GSE1: variants seen among roughly 807,000 people sequenced by gnomAD.
The protein encoded by GSE1 is Gse1 coiled-coil protein, also known as genetic suppressor element 1.
Under a neutral mutation model 112.6 loss-of-function variants are expected in GSE1, and 32 were observed. The observed-to-expected ratio is 0.28, with a 90% CI of 0.21 to 0.38. The LOEUF is 0.38. Among genes scored for constraint, GSE1 ranks in the 10% least tolerant of loss-of-function variants. GSE1 has a pLI of 1.00. For synonymous variants in GSE1, 1,115 were observed against 735.6 expected, an observed-to-expected ratio of 1.52 and a Z score of -8.35; for missense variants, 2,348 against 1,699.2, an observed-to-expected ratio of 1.38 and a Z score of -6.71.
chr16:85,186,176 A>T (rs1375378580), intron 1 of GSE1, among the ~76,000 whole-genome samples: 1 of 152,222 alleles, frequency 6.6e-6, no homozygotes, highest in African/African-American at 2.4e-5. Flanking sequence ...CACATACATT[A>T]ACATGTAAAA....
At chr16:85,265,427 C>T (rs1172340888) in intron 1 of GSE1, among the ~76,000 whole-genome samples, 1 of 152,190 alleles carries the variant, frequency 6.6e-6, no homozygotes, top group African/African-American at 2.4e-5. Flanking sequence ...CGCCCCAGAC[C>T]CGCGCTAATG....
chr16:85,664,846 C>A, intron 11 of GSE1, 169 bp from the exon 12 acceptor site: 1 of 603,156 alleles, frequency 1.7e-6, no homozygotes, highest in Non-Finnish European at 3.0e-6. Flanking sequence ...TCTGGGCTCG[C>A]TTTGAGATGG....
chr16:85,491,792 C>T (rs946586577), intron 2 of GSE1, among the ~76,000 whole-genome samples: 1 of 152,194 alleles, frequency 6.6e-6, no homozygotes, highest in Non-Finnish European at 1.5e-5. Flanking sequence ...GTGGGGGTGA[C>T]ACTGGGCCTG....
chr16:85,232,047 C>G (rs534379992), intron 1 of GSE1, among the ~76,000 whole-genome samples: 1 of 152,208 alleles, frequency 6.6e-6, no homozygotes, highest in African/African-American at 2.4e-5. Flanking sequence ...CAGGCTCACT[C>G]CCCCACAGTG....
chr16:85,421,502 T>C (rs1440674426), intron 2 of GSE1, among the ~76,000 whole-genome samples: 2 of 152,120 alleles, frequency 1.3e-5, no homozygotes, highest in Non-Finnish European at 2.9e-5. Flanking sequence ...CCAAGCTGGG[T>C]CTCAAACAGC....
chr16:85,549,770 G>A (rs2044838163), intron 2 of GSE1, among the ~76,000 whole-genome samples: 1 of 152,256 alleles, frequency 6.6e-6, no homozygotes, highest in South Asian at 2.1e-4. Context: ...CGGACAGAAA[G>A]AGAAAGAGGG....
In GSE1 at chr16:85,182,969, C is replaced by G. The variant is rs150906103; in HGVS notation, c.2283+11162C>G. 3.9e-3 allele frequency among the ~76,000 whole-genome samples: 595 copies of G among 152,300 alleles called. 8 individuals are homozygous for G. The highest frequency in any genetic ancestry group is 0.013 in the African/African-American group (522 of 41,554). On this transcript the variant is annotated intron_variant, in intron 1 of 2. Transcript: ENST00000637419. ...ACTTGTATGCGTACACGTTCACATG[C>G]AAACCCACCCACACACTTGTATGCA...
At chr16:85,177,522 T>G (rs1335326086) in intron 1 of GSE1, among the ~76,000 whole-genome samples, 1 of 152,190 alleles carries the variant, frequency 6.6e-6, no homozygotes, top group Non-Finnish European at 1.5e-5. Context: ...TGGGCGACCT[T>G]CATCCAGTTT....
At chr16:85,276,951 C>T (rs1021206024) in intron 1 of GSE1, among the ~76,000 whole-genome samples, 4 of 152,114 alleles carry the variant, frequency 2.6e-5, no homozygotes, top group Admixed American at 6.5e-5. Flanking sequence ...AGGAGGGGAC[C>T]GTGCAGCCGG....
At chr16:85,533,240 T>G (rs1198379509) in intron 2 of GSE1, among the ~76,000 whole-genome samples, 1 of 139,302 alleles carries the variant, frequency 7.2e-6, no homozygotes, top group African/African-American at 2.7e-5. Flanking sequence ...CGAAAACCTG[T>G]CTCTACTAAA....
intron 1 of GSE1, among the ~76,000 whole-genome samples, chr16:85,585,523 T>G (rs2046651508): frequency 6.6e-6 from 1 of 152,220 alleles, no homozygotes; most frequent in African/African-American, 2.4e-5. Flanking sequence ...GGCACGTGGT[T>G]GCCTTTGGGG....
exon 1 of GSE1, chr16:85,170,371 C>T (rs1033068212): frequency 1.0e-6 from 1 of 985,390 alleles, no homozygotes; most frequent in Non-Finnish European, 1.2e-6. Context: ...GCAAGGCCCT[C>T]TTGTCCAAGA....
At chr16:85,442,080 C>T (rs1427019625) in intron 2 of GSE1, among the ~76,000 whole-genome samples, 1 of 152,244 alleles carries the variant, frequency 6.6e-6, no homozygotes, top group Non-Finnish European at 1.5e-5. Context: ...AGATCTGTTT[C>T]TGCCTCAGGG....
intron 1 of GSE1, among the ~76,000 whole-genome samples, chr16:85,582,772 CCT>C (rs945230589): frequency 4.6e-5 from 7 of 152,186 alleles, no homozygotes; most frequent in African/African-American, 9.7e-5. Context: ...CCTTTTCACC[CCT>C]GAGAGCCTGT....
At chr16:85,430,474 G>T (rs1282540761) in intron 2 of GSE1, among the ~76,000 whole-genome samples, 1 of 152,336 alleles carries the variant, frequency 6.6e-6, no homozygotes, top group East Asian at 1.9e-4. Flanking sequence ...TGGGAACTGT[G>T]CTGGGAGGGT....
intron 1 of GSE1, among the ~76,000 whole-genome samples, chr16:85,262,329 C>T (rs558056944): frequency 2.6e-5 from 4 of 152,252 alleles, no homozygotes; most frequent in Admixed American, 6.5e-5. Flanking sequence ...TGTGGTGACA[C>T]GCGGTGGCAG....
intron 2 of GSE1, among the ~76,000 whole-genome samples, chr16:85,475,243 G>T (rs2050415809): frequency 6.6e-6 from 1 of 152,184 alleles, no homozygotes; most frequent in Admixed American, 6.5e-5. Flanking sequence ...GTAAACCAGG[G>T]GCAGCAGGGG....
rs186683174 is a variant in GSE1, at chr16:85,349,920, C to G, written c.2284-7543C>G. ...GCCGCTAGGCGTGGGGGTGCAGAACCAGGCTCTGCCAGTGTTTACTGAGCA... is the reference window on the plus strand; with the variant it reads ...GCCGCTAGGCGTGGGGGTGCAGAACGAGGCTCTGCCAGTGTTTACTGAGCA... On this transcript the variant is annotated intron_variant, in intron 1 of 2. Transcript: ENST00000637419. Among the ~76,000 whole-genome samples, 567 of 152,328 alleles carry G rather than the reference C, an allele frequency of 3.7e-3. 3 individuals carry two copies. The highest frequency in any genetic ancestry group is 0.013 in the African/African-American group (545 of 41,568).
intron 1 of GSE1, among the ~76,000 whole-genome samples, chr16:85,261,924 T>A (rs1444107601): frequency 6.6e-6 from 1 of 152,126 alleles, no homozygotes; most frequent in Non-Finnish European, 1.5e-5. Context: ...TATCCTGAGA[T>A]ATGTGTATTT....
Sources: allele counts gnomAD v4.1 joint callset (sites outside exome capture counted in the v4.1 genomes callset), GRCh38; gene constraint gnomAD v4.1.1; transcripts MANE v1.5; gene names NCBI Gene and HGNC (gene_info 2026-07-23, HGNC 2026-07-21).